RASEF: variants seen among roughly 807,000 people sequenced by gnomAD.
The protein encoded by RASEF is ras and EF-hand domain-containing protein.
A neutral mutation model predicts 90.1 loss-of-function variants in RASEF; 68 were observed. The observed-to-expected ratio is 0.75, with a 90% confidence interval of 0.62 to 0.92. RASEF has a LOEUF of 0.92. Among genes scored for constraint, RASEF ranks in the 40% least tolerant of loss-of-function variants. The pLI, the probability that RASEF is intolerant of heterozygous loss-of-function variation, is 0.00. For missense variants in RASEF, 949 were observed against 937.2 expected, an observed-to-expected ratio of 1.01 and a Z score of -0.16; for synonymous variants, 331 against 345.2, an observed-to-expected ratio of 0.96 and a Z score of 0.46.
the RASEF span, among the ~76,000 whole-genome samples, chr9:83,124,378 G>A: frequency 6.6e-6 from 1 of 152,154 alleles, no homozygotes. Context: ...TCAGTCATTT[G>A]ACCAAATTTA....
At chr9:83,069,881 T>C in the RASEF span, among the ~76,000 whole-genome samples, 1 of 152,208 alleles carries the variant, frequency 6.6e-6, no homozygotes. Context: ...ACTATAGGTT[T>C]AATTTGCATT....
intron 1 of RASEF, among the ~76,000 whole-genome samples, chr9:83,059,208 C>T (rs1398395700): frequency 6.6e-6 from 1 of 151,736 alleles, no homozygotes; most frequent in Non-Finnish European, 1.5e-5. Flanking sequence ...AGTTTCAGCT[C>T]TGACTAGAGG....
the RASEF span, among the ~76,000 whole-genome samples, chr9:83,080,386 C>T: frequency 1.3e-5 from 2 of 152,310 alleles, no homozygotes; most frequent in Non-Finnish European, 2.9e-5. Flanking sequence ...AAGGAACTTT[C>T]CTGGTTAAAT....
chr9:83,196,846 G>A, the RASEF span, among the ~76,000 whole-genome samples: 1 of 152,176 alleles, frequency 6.6e-6, no homozygotes, highest in African/African-American at 2.4e-5. Flanking sequence ...TAACTCAGAA[G>A]GCAAGAAGCT....
rs1830229026 is a variant in RASEF, at chr9:83,062,559, C to T, written c.309G>A (p.Glu103=). The change falls in exon 1 of 17, where the codon GAG becomes GAA. Residue 103 remains glutamate (E), a synonymous_variant. Transcript: ENST00000376447. ...SEAGPETHDS[E]EDEGDEDAAA... ...CCGCGTCCTCGTCGCCTTCGTCCTCCTCGCTGTCGTGTGTCTCCGGCCCCG... is the reference window on the plus strand; with the variant it reads ...CCGCGTCCTCGTCGCCTTCGTCCTCTTCGCTGTCGTGTGTCTCCGGCCCCG... 2 of 1,598,392 alleles carry T rather than the reference C, an allele frequency of 1.3e-6. No homozygotes were observed. Among genetic ancestry groups the T allele is most frequent in the Non-Finnish European group, 8.5e-7 (1 of 1,172,644 alleles).
upstream of RASEF, among the ~76,000 whole-genome samples, chr9:83,065,816 AT>A (rs1312600850): frequency 6.6e-6 from 1 of 152,156 alleles, no homozygotes; most frequent in Non-Finnish European, 1.5e-5. Flanking sequence ...CGCAGGGGAC[AT>A]TTGGCAGTGT....
chr9:82,996,711 TC>T (rs1828926578), intron 14 of RASEF, among the ~76,000 whole-genome samples: 1 of 152,160 alleles, frequency 6.6e-6, no homozygotes, highest in African/African-American at 2.4e-5. Flanking sequence ...AATAACTTCT[TC>T]CTAGGCTACC....
At chr9:83,048,557 T>C (rs1829975358) in intron 1 of RASEF, 2 of 984,706 alleles carry the variant, frequency 2.0e-6, no homozygotes, top group Non-Finnish European at 2.4e-6. Flanking sequence ...AGTGAAGGAA[T>C]GAATGAGTAA....
intron 1 of RASEF, among the ~76,000 whole-genome samples, chr9:83,049,529 CTTTTT>C (rs10687615): frequency 7.1e-5 from 7 of 99,084 alleles, no homozygotes; most frequent in Non-Finnish European, 9.2e-5. Flanking sequence ...TTCTGCCTTC[CTTTTT>C]TTTTTTTTTT....
chr9:83,160,590 G>A, the RASEF span, among the ~76,000 whole-genome samples: 5 of 152,310 alleles, frequency 3.3e-5, no homozygotes, highest in African/African-American at 9.6e-5. Context: ...GCCTGACAAT[G>A]CAATGGAAAA....
Position 83,062,616 on chromosome 9 carries a change from A to T in RASEF, c.252T>A (p.Gly84=). The change falls in exon 1 of 17, where the codon GGT becomes GGA. Residue 84 remains glycine (G), a synonymous_variant. Coordinates refer to ENST00000376447, the MANE Select transcript of RASEF (RefSeq NM_152573.4). The part of the protein sequence containing the change: ...SLRGGRRRDW[G]PLDPAPAVSE... ...ACACGGCGGGCGCGGGATCCAGAGG[A>T]CCCCAGTCCCGGCGCCGCCCCCCGC... 1 of 1,557,336 alleles carries T rather than the reference A, an allele frequency of 6.4e-7. No individual in the cohort carries two copies. Among genetic ancestry groups the T allele is most frequent in the Non-Finnish European group, 8.6e-7 (1 of 1,156,148 alleles).
intron 1 of RASEF, chr9:83,048,787 T>A (rs1829979954): frequency 1.0e-6 from 1 of 972,186 alleles, no homozygotes; most frequent in Admixed American, 6.2e-5. Flanking sequence ...GGATTTCAAG[T>A]CCCATTAGAA....
intron 16 of RASEF, among the ~76,000 whole-genome samples, chr9:82,986,363 T>C (rs1828711692): frequency 1.3e-5 from 2 of 152,250 alleles, no homozygotes; most frequent in South Asian, 4.1e-4. Flanking sequence ...TGCCTGGTCA[T>C]ATATTGTCAT....
At chr9:83,095,731 T>G in the RASEF span, among the ~76,000 whole-genome samples, 1 of 152,062 alleles carries the variant, frequency 6.6e-6, no homozygotes, top group Non-Finnish European at 1.5e-5. Context: ...TCACGTATTT[T>G]CTCTGTTTAG....
the RASEF span, among the ~76,000 whole-genome samples, chr9:83,213,661 G>A: frequency 6.6e-6 from 1 of 152,148 alleles, no homozygotes; most frequent in Non-Finnish European, 1.5e-5. Context: ...GGACCCAGGT[G>A]AGAGAACAGT....
intron 7 of RASEF, 149 bp downstream of exon 7, chr9:83,007,288 T>C: frequency 1.5e-6 from 1 of 659,360 alleles, no homozygotes; most frequent in South Asian, 1.8e-5. Flanking sequence ...TAAGAGGAGA[T>C]GCCAAGTGCA....
chr9:83,139,809 A>T, the RASEF span, among the ~76,000 whole-genome samples: 1 of 152,228 alleles, frequency 6.6e-6, no homozygotes, highest in Non-Finnish European at 1.5e-5. Flanking sequence ...TTCTCTCTGA[A>T]TATGAAAGTA....
At chr9:83,147,271 A>G in the RASEF span, among the ~76,000 whole-genome samples, 20 of 152,130 alleles carry the variant, frequency 1.3e-4, no homozygotes, top group South Asian at 4.1e-4. Flanking sequence ...GCTGCTAATG[A>G]CATGACTCTC....
At chr9:83,116,132 A>T in the RASEF span, among the ~76,000 whole-genome samples, 1 of 152,188 alleles carries the variant, frequency 6.6e-6, no homozygotes, top group Admixed American at 6.5e-5. Context: ...ATGTTGACTT[A>T]TGTCAAAATT....
Sources: gnomAD v4.1 joint callset for allele counts (sites outside exome capture counted in the v4.1 genomes callset) on GRCh38, gnomAD v4.1.1 for gene constraint, MANE v1.5 for transcripts, NCBI Gene and HGNC (gene_info 2026-07-23, HGNC 2026-07-21) for gene names.